Variants in KLRG2 observed in about 807,000 individuals in gnomAD.
KLRG2 encodes killer cell lectin-like receptor subfamily G member 2.
KLRG2 carries 39 observed loss-of-function variants against 35.4 expected under a neutral mutation model. That is an observed-to-expected ratio of 1.10 (90% CI 0.85 to 1.44). The LOEUF is 1.44. KLRG2 is among the 40% of genes most tolerant of loss of function. KLRG2 has a pLI of 0.00. For missense variants in KLRG2, 632 were observed against 570.9 expected, an observed-to-expected ratio of 1.11 and a Z score of -1.09; for synonymous variants, 283 against 265.8, an observed-to-expected ratio of 1.06 and a Z score of -0.63.
chr7:139,430,491 T>A, the KLRG2 span, among the ~76,000 whole-genome samples: 2 of 152,142 alleles, frequency 1.3e-5, no homozygotes, highest in African/African-American at 4.8e-5. Flanking sequence ...TAAGTATGAA[T>A]GAAGATGTAG....
At chr7:139,470,338 A>G (rs1196247946) in intron 3 of KLRG2, among the ~76,000 whole-genome samples, 1 of 152,070 alleles carries the variant, frequency 6.6e-6, no homozygotes, top group East Asian at 1.9e-4. Context: ...GATTACAGGC[A>G]TGAGCCACTG....
chr7:139,429,288 A>G, the KLRG2 span, among the ~76,000 whole-genome samples: 6 of 151,716 alleles, frequency 4.0e-5, no homozygotes, highest in Non-Finnish European at 8.9e-5. Flanking sequence ...CCTGGGTGAC[A>G]GAGCAAGACC....
chr7:139,463,401 C>T (rs556307934), intron 3 of KLRG2, among the ~76,000 whole-genome samples: 1 of 152,290 alleles, frequency 6.6e-6, no homozygotes, highest in African/African-American at 2.4e-5. Context: ...CAGAGGCAGC[C>T]AGACAGCAAC....
chr7:139,432,815 AT>A, the KLRG2 span, among the ~76,000 whole-genome samples: 1 of 152,074 alleles, frequency 6.6e-6, no homozygotes, highest in African/African-American at 2.4e-5. Flanking sequence ...CATTGTTTGT[AT>A]ATCATTTGTA....
intron 3 of KLRG2, among the ~76,000 whole-genome samples, chr7:139,470,641 A>T (rs1044364240): frequency 1.3e-5 from 2 of 152,086 alleles, no homozygotes; most frequent in African/African-American, 4.8e-5. Context: ...AAAATAAAAA[A>T]TTAGCTGGGT....
intron 3 of KLRG2, among the ~76,000 whole-genome samples, chr7:139,467,051 A>G (rs569286566): frequency 2.6e-5 from 4 of 152,042 alleles, no homozygotes; most frequent in Non-Finnish European, 4.4e-5. Flanking sequence ...GGCCATCACC[A>G]AACATTCTAT....
At chr7:139,476,448 T>A (rs925840332) in intron 3 of KLRG2, among the ~76,000 whole-genome samples, 1 of 109,444 alleles carries the variant, frequency 9.1e-6, no homozygotes, top group Non-Finnish European at 2.2e-5. Context: ...ACTATCTTTT[T>A]TTTTTTTCCT....
chr7:139,454,110 C>T lies in KLRG2; in HGVS notation c.1109+1G>A, dbSNP rs774037434. The T allele has an allele frequency of 9.9e-6, 15 of 1,520,668 alleles. No homozygotes were observed. Among genetic ancestry groups the T allele is most frequent in the Non-Finnish European group, 1.3e-5 (15 of 1,119,778 alleles). 94.2% of individuals were successfully genotyped at this position (1,520,668 alleles called of 1,614,324 possible). A position where few individuals can be genotyped will look rare whatever the true frequency, so the allele number is the denominator to read the frequency against. On this transcript the variant is annotated splice_donor_variant, in intron 4 of 4. Coordinates refer to ENST00000340940, the MANE Select transcript of KLRG2 (RefSeq NM_198508.4). LOFTEE classifies it high-confidence loss of function. ...AGGGAGAAAAGCCCGTGGTCACTCA[C>T]AGCTGGGGCGGGAGTGGGGCCTCGT... is the stretch of plus-strand genomic sequence containing the variant.
At chr7:139,437,314 A>G in the KLRG2 span, among the ~76,000 whole-genome samples, 1 of 150,798 alleles carries the variant, frequency 6.6e-6, no homozygotes, top group African/African-American at 2.4e-5. Context: ...AGTCCCAGCT[A>G]CTCGGGAGGC....
intron 3 of KLRG2, among the ~76,000 whole-genome samples, chr7:139,455,114 G>A (rs1796447422): frequency 6.6e-6 from 1 of 151,306 alleles, no homozygotes; most frequent in East Asian, 1.9e-4. Context: ...CGCCTCTCAG[G>A]TTCAACCGAT....
At chr7:139,445,793 G>GTATATATA in the KLRG2 span, among the ~76,000 whole-genome samples, 67 of 95,522 alleles carry the variant, frequency 7.0e-4, 3 homozygotes, top group African/African-American at 5.1e-3. Context: ...ATATATATAT[G>GTATATATA]TGTGTATATA....
chr7:139,463,695 C>G (rs1796606548), intron 3 of KLRG2, among the ~76,000 whole-genome samples: 1 of 152,224 alleles, frequency 6.6e-6, no homozygotes, highest in South Asian at 2.1e-4. Context: ...ACCCCAGAGT[C>G]CCTGGAACTC....
chr7:139,450,853 G>A (rs546757236), downstream of KLRG2, among the ~76,000 whole-genome samples: 10 of 152,138 alleles, frequency 6.6e-5, no homozygotes, highest in Admixed American at 3.3e-4. Context: ...GGCTGGCCCT[G>A]TAACCAATAA....
chr7:139,465,396 A>T (rs536900365), intron 3 of KLRG2, among the ~76,000 whole-genome samples: 1 of 152,336 alleles, frequency 6.6e-6, no homozygotes, highest in South Asian at 2.1e-4. Context: ...CTTTACTTCC[A>T]AAGGAGGCTA....
At chr7:139,440,213 A>T in the KLRG2 span, among the ~76,000 whole-genome samples, 5 of 151,848 alleles carry the variant, frequency 3.3e-5, no homozygotes, top group South Asian at 1.0e-3. Flanking sequence ...AGGTTCGGGC[A>T]ATTCTTGTGC....
intron 3 of KLRG2, among the ~76,000 whole-genome samples, chr7:139,473,725 G>T (rs924016969): frequency 6.6e-6 from 1 of 152,200 alleles, no homozygotes; most frequent in Non-Finnish European, 1.5e-5. Flanking sequence ...TGTAATCCTA[G>T]CACTTTGGGA....
At position 139,482,944 on chromosome 7, in the gene KLRG2, C is replaced by A; in HGVS notation, c.699G>T (p.Leu233=). 6.7e-7 allele frequency: 1 copy of A among 1,485,930 alleles called. No individual in the cohort carries two copies. Among genetic ancestry groups the A allele is most frequent in the Non-Finnish European group, 8.9e-7 (1 of 1,128,930 alleles). 92.0% of individuals were successfully genotyped at this position (1,485,930 alleles called of 1,614,324 possible). ...ELGLEKEDAA[L]LPRAGLDGDE... Reference sequence around the variant, plus strand: ...CGCCGTCCAACCCCGCGCGGGGCAACAGCGCCGCATCCTCCTTCTCCAGCC... The same window carrying A: ...CGCCGTCCAACCCCGCGCGGGGCAAAAGCGCCGCATCCTCCTTCTCCAGCC... Residue 233 remains leucine (L), a synonymous_variant, in exon 1 of 5, where the codon CTG becomes CTT. Coordinates refer to ENST00000340940, the MANE Select transcript of KLRG2 (RefSeq NM_198508.4).
intron 3 of KLRG2, among the ~76,000 whole-genome samples, chr7:139,473,999 T>C (rs1332115210): frequency 6.7e-6 from 1 of 148,990 alleles, no homozygotes; most frequent in East Asian, 2.0e-4. Context: ...GAACTGGGAA[T>C]CAGAGTGGCT....
At chr7:139,482,543 C>A (rs897249806) in intron 1 of KLRG2, among the ~76,000 whole-genome samples, 1 of 152,040 alleles carries the variant, frequency 6.6e-6, no homozygotes, top group Non-Finnish European at 1.5e-5. Flanking sequence ...CAGGTGAATG[C>A]CACCATGCCA....
Sources: allele counts gnomAD v4.1 joint callset (sites outside exome capture counted in the v4.1 genomes callset), GRCh38; gene constraint gnomAD v4.1.1; transcripts MANE v1.5; gene names NCBI Gene and HGNC (gene_info 2026-07-23, HGNC 2026-07-21).